The following GOLIM4 variants were observed in gnomAD, a reference collection of about 807,000 sequenced individuals.
GOLIM4 encodes the protein 130 kDa golgi-localized phosphoprotein.
In GOLIM4, 71 loss-of-function variants were observed where a neutral mutation model predicts 107.4. That is an observed-to-expected ratio of 0.66 (90% CI 0.55 to 0.81). The LOEUF is 0.81. Ranked by LOEUF, GOLIM4 falls within the 30% of genes least tolerant of loss-of-function variation. The probability of loss-of-function intolerance (pLI) is 0.00; values close to 1 mark genes in which losing one functional copy is unlikely to be tolerated. For synonymous variants in GOLIM4, 327 were observed against 294.8 expected (o/e 1.11, Z -1.12); for missense variants, 830 against 826.1 (o/e 1.00, Z -0.06).
Position 168,024,587 on chromosome 3 carries a change from C to T in GOLIM4, c.1799G>A (p.Gly600Glu), listed in dbSNP as rs750761588. 3 of 1,613,166 alleles carry T rather than the reference C, an allele frequency of 1.9e-6. No individual in the cohort carries two copies. Among genetic ancestry groups the T allele is most frequent in the African/African-American group, 2.7e-5 (2 of 74,910 alleles). ...ATTGTCCTCCTGCTGGTCTGGATTTCCTGCCATCTGTTGGAAACAAAAGGG... is the reference window on the plus strand; with the variant it reads ...ATTGTCCTCCTGCTGGTCTGGATTTTCTGCCATCTGTTGGAAACAAAAGGG... ...TEVEEHLVMA[G>E]NPDQQEDNVD... The change falls in exon 14 of 16, where the codon GGA (glycine) becomes GAA (glutamate). Residue 600 changes from glycine (G) to glutamate (E), a missense_variant. Physicochemically the swap from Gly to Glu is moderately conservative, Grantham distance 98. Transcript: ENST00000470487.
chr3:168,014,210 C>T (rs1717229769), intron 14 of GOLIM4, among the ~76,000 whole-genome samples: 1 of 151,088 alleles, frequency 6.6e-6, no homozygotes, highest in South Asian at 2.1e-4. Context: ...AAGGGGATAT[C>T]ACCACCGATC....
chr3:168,032,003 G>A (rs748939187), intron 9 of GOLIM4, among the ~76,000 whole-genome samples: 1 of 152,096 alleles, frequency 6.6e-6, no homozygotes, highest in Non-Finnish European at 1.5e-5. Flanking sequence ...CTGAGCAGAG[G>A]CTGTTTAGAT....
intron 1 of GOLIM4, among the ~76,000 whole-genome samples, chr3:168,065,864 A>G (rs1268167830): frequency 3.3e-5 from 5 of 152,228 alleles, no homozygotes; most frequent in African/African-American, 1.2e-4. Flanking sequence ...TTTAATCTGA[A>G]AAGTATTTCA....
At chr3:168,065,183 C>T (rs1720487757) in intron 1 of GOLIM4, among the ~76,000 whole-genome samples, 1 of 152,100 alleles carries the variant, frequency 6.6e-6, no homozygotes, top group African/African-American at 2.4e-5. Context: ...CACCAATGTC[C>T]TCCTGATGTT....
At chr3:168,074,248 C>T (rs948562178) in intron 1 of GOLIM4, among the ~76,000 whole-genome samples, 3 of 152,144 alleles carry the variant, frequency 2.0e-5, no homozygotes, top group African/African-American at 7.2e-5. Flanking sequence ...TAAGCTGCTT[C>T]TGGATTCATG....
At chr3:168,039,264 ATTT>A (rs11426013) in intron 7 of GOLIM4, among the ~76,000 whole-genome samples, 1 of 137,084 alleles carries the variant, frequency 7.3e-6, no homozygotes, top group African/African-American at 2.8e-5. Context: ...GAAAAAAAAA[ATTT>A]TTTTTTTTTT....
chr3:168,029,194 A>G, intron 11 of GOLIM4, 29 bp downstream of exon 11: 1 of 1,385,298 alleles, frequency 7.2e-7, no homozygotes, highest in East Asian at 2.3e-5. Context: ...AATTTATTAA[A>G]ACATTCATCA....
chr3:168,084,071 G>T (rs1489502896), intron 1 of GOLIM4, among the ~76,000 whole-genome samples: 3 of 152,134 alleles, frequency 2.0e-5, no homozygotes, highest in African/African-American at 7.2e-5. Context: ...CTGGTGGGAG[G>T]TGACTGGATC....
chr3:168,093,475 C>G (rs1722007835), intron 1 of GOLIM4, among the ~76,000 whole-genome samples: 2 of 152,182 alleles, frequency 1.3e-5, no homozygotes. Context: ...GAGACCAAGG[C>G]ACACACAACC....
chr3:168,054,967 G>A (rs1280876507), intron 1 of GOLIM4, among the ~76,000 whole-genome samples: 1 of 152,116 alleles, frequency 6.6e-6, no homozygotes, highest in Non-Finnish European at 1.5e-5. Context: ...TTTGTCTGCT[G>A]CCATGTGAGA....
intron 10 of GOLIM4, 111 bp downstream of exon 10, chr3:168,029,669 C>T: frequency 2.5e-6 from 3 of 1,189,750 alleles, no homozygotes; most frequent in Middle Eastern, 3.0e-4. Flanking sequence ...GCTATTTGAG[C>T]AATATGAGCC....
chr3:168,017,217 G>GT (rs1717422790), intron 14 of GOLIM4, among the ~76,000 whole-genome samples: 1 of 152,070 alleles, frequency 6.6e-6, no homozygotes, highest in African/African-American at 2.4e-5. Flanking sequence ...GCCAGGCGTG[G>GT]TGGCTCACAC....
intron 12 of GOLIM4, among the ~76,000 whole-genome samples, chr3:168,027,397 A>G (rs1370119814): frequency 6.6e-6 from 1 of 151,764 alleles, no homozygotes; most frequent in Non-Finnish European, 1.5e-5. Flanking sequence ...TATTCCTCCT[A>G]GCTTTCAGAG....
intron 1 of GOLIM4, among the ~76,000 whole-genome samples, chr3:168,065,455 C>A (rs1435438378): frequency 6.6e-6 from 1 of 152,154 alleles, no homozygotes; most frequent in East Asian, 1.9e-4. Flanking sequence ...TAAGACCCTG[C>A]CCCATGCTTA....
At chr3:168,083,363 T>A (rs1440914003) in intron 1 of GOLIM4, among the ~76,000 whole-genome samples, 1 of 152,202 alleles carries the variant, frequency 6.6e-6, no homozygotes, top group Non-Finnish European at 1.5e-5. Flanking sequence ...TGCATTCATA[T>A]CTACTTGCCA....
chr3:168,037,072 A>T, intron 7 of GOLIM4, 78 bp from the exon 8 acceptor site: 1 of 876,956 alleles, frequency 1.1e-6, no homozygotes, highest in Non-Finnish European at 1.8e-6. Context: ...ACACTGTAAA[A>T]CTAGACAAAA....
At chr3:168,015,703 A>G (rs1324858365) in intron 14 of GOLIM4, among the ~76,000 whole-genome samples, 1 of 136,066 alleles carries the variant, frequency 7.3e-6, no homozygotes, top group Non-Finnish European at 1.5e-5. Flanking sequence ...ATATAGATCA[A>G]TGGAACAGAA....
At chr3:168,047,798 T>C (rs941497684) in intron 2 of GOLIM4, among the ~76,000 whole-genome samples, 4 of 152,200 alleles carry the variant, frequency 2.6e-5, no homozygotes, top group African/African-American at 9.7e-5. Context: ...TCAACTGATG[T>C]GTCAATAAAA....
chr3:168,065,265 C>T (rs1227581229), intron 1 of GOLIM4, among the ~76,000 whole-genome samples: 2 of 152,100 alleles, frequency 1.3e-5, no homozygotes, highest in Non-Finnish European at 2.9e-5. Flanking sequence ...ATACATAATT[C>T]ATTTTAAATT....
Sources: gnomAD v4.1 joint callset for allele counts (sites outside exome capture counted in the v4.1 genomes callset) on GRCh38, gnomAD v4.1.1 for gene constraint, MANE v1.5 for transcripts, NCBI Gene and HGNC (gene_info 2026-07-23, HGNC 2026-07-21) for gene names.